MAML3: variants seen among roughly 807,000 people sequenced by gnomAD.
MAML3 encodes the protein mastermind-like protein 3.
Under a neutral mutation model 101.9 loss-of-function variants are expected in MAML3, and 27 were observed. That is an observed-to-expected ratio of 0.27 (90% CI 0.20 to 0.37). MAML3 has a LOEUF of 0.37. Among genes scored for constraint, MAML3 ranks in the 10% least tolerant of loss-of-function variants. The pLI is 1.00. For synonymous variants in MAML3, 501 were observed against 555.9 expected (o/e 0.90, Z 1.39); for missense variants, 1,316 against 1,444.9 (o/e 0.91, Z 1.45).
chr4:140,046,805 T>G (rs550248966), intron 1 of MAML3, among the ~76,000 whole-genome samples: 11 of 150,704 alleles, frequency 7.3e-5, no homozygotes, highest in East Asian at 5.9e-4. Context: ...GGGGGAGGGG[T>G]AGGGGGGACT....
chr4:140,004,565 G>C lies in MAML3; in HGVS notation c.469-113598C>G, dbSNP rs78247196. On this transcript the variant is annotated intron_variant, in intron 1 of 4. Transcript: ENST00000509479. ...GGAGGGGGCAGGGGAGAGTAGTGAG[G>C]AGAGAAAGAAAGAAAATGGGATGAA... 4.4e-3 allele frequency among the ~76,000 whole-genome samples: 664 copies of C among 152,254 alleles called. 11 individuals are homozygous for C. The highest frequency in any genetic ancestry group is 0.015 in the African/African-American group (627 of 41,548).
Position 139,719,864 on chromosome 4 carries a change from C to T in MAML3, c.2876G>A (p.Gly959Glu), listed in dbSNP as rs1728158591. 1.9e-6 allele frequency: 3 copies of T among 1,613,878 alleles called. No homozygotes were observed. Among genetic ancestry groups the T allele is most frequent in the Non-Finnish European group, 1.7e-6 (2 of 1,179,890 alleles). ...LQSLMGTVQQGAQSWQQRSLQ... is the reference protein window; with the variant it reads ...LQSLMGTVQQEAQSWQQRSLQ... ...GCTCCTCTGTTGCCAGCTTTGTGCTCCTTGCTGGACTGTTCCCATAAGGCT... is the reference window on the plus strand; with the variant it reads ...GCTCCTCTGTTGCCAGCTTTGTGCTTCTTGCTGGACTGTTCCCATAAGGCT... The change falls in exon 5 of 5, where the codon GGA becomes GAA. Residue 959 changes from glycine to glutamate, a missense_variant. Gly to Glu is a moderately conservative substitution (Grantham distance 98, BLOSUM62 -2). Transcript: ENST00000509479.
chr4:139,830,706 G>A (rs6849866), intron 2 of MAML3, among the ~76,000 whole-genome samples: 3,919 of 152,078 alleles, frequency 0.026, 125 homozygotes, highest in African/African-American at 0.078. Context: ...GAGCCACTGC[G>A]CCTGGCCTAC....
At chr4:140,042,924 T>G (rs956249251) in intron 1 of MAML3, among the ~76,000 whole-genome samples, 1 of 152,176 alleles carries the variant, frequency 6.6e-6, no homozygotes, top group African/African-American at 2.4e-5. Context: ...AGTCTCATAA[T>G]TCAAGTCTCA....
chr4:139,896,064 G>A (rs143183710), intron 1 of MAML3, among the ~76,000 whole-genome samples: 23 of 152,288 alleles, frequency 1.5e-4, no homozygotes, highest in African/African-American at 5.5e-4. Context: ...ATCATCCTTT[G>A]CTATATGGAA....
At chr4:139,931,698 A>G (rs1403211986) in intron 1 of MAML3, among the ~76,000 whole-genome samples, 1 of 152,030 alleles carries the variant, frequency 6.6e-6, no homozygotes, top group Non-Finnish European at 1.5e-5. Context: ...TGCAGAATAA[A>G]AAGAACTTTG....
intron 1 of MAML3, among the ~76,000 whole-genome samples, chr4:140,110,895 T>C (rs1330119257): frequency 1.3e-5 from 2 of 152,012 alleles, no homozygotes; most frequent in Non-Finnish European, 2.9e-5. Context: ...TAAGAAAAAA[T>C]AAGCAATTTC....
At chr4:140,082,502 T>C (rs1397580373) in intron 1 of MAML3, among the ~76,000 whole-genome samples, 5 of 152,178 alleles carry the variant, frequency 3.3e-5, no homozygotes, top group African/African-American at 1.2e-4. Flanking sequence ...CCCTGCCTGG[T>C]TGCCTGTTGG....
rs140628103 is a variant in MAML3 at position 139,835,770 on chromosome 4, C to G, written c.2079+53587G>C. Among the ~76,000 whole-genome samples the G allele has an allele frequency of 9.2e-4, 140 of 152,168 alleles. No homozygotes were observed. In the East Asian group the frequency reaches 0.018, roughly 20 times the overall value. ...CCCCCAAAGTTTCATATAACTTTTC[C>G]AAAGAAGGCCTTAATTTTCTTCATA... On this transcript the variant is annotated intron_variant, in intron 2 of 4. Transcript: ENST00000509479.
chr4:140,111,960 T>TATAGA (rs1178194256), intron 1 of MAML3, among the ~76,000 whole-genome samples: 5 of 152,186 alleles, frequency 3.3e-5, no homozygotes, highest in Admixed American at 6.5e-5. Context: ...AGAGGCTCAT[T>TATAGA]CCTTTATAGA....
At chr4:139,758,065 C>T (rs570661756) in intron 2 of MAML3, among the ~76,000 whole-genome samples, 9 of 152,300 alleles carry the variant, frequency 5.9e-5, no homozygotes, top group East Asian at 5.8e-4. Context: ...TGTATTCACT[C>T]GCCTCTTGCA....
Position 139,718,091 on chromosome 4 carries a change from A to C in MAML3, c.*1232T>G, listed in dbSNP as rs1047006540. ...GATGGGAAAGGTGGATTTTTAGAGCATCACTCCCAGGATTTCGCCCAAAGG... is the reference window on the plus strand; with the variant it reads ...GATGGGAAAGGTGGATTTTTAGAGCCTCACTCCCAGGATTTCGCCCAAAGG... On this transcript the variant is annotated 3_prime_UTR_variant, in exon 5 of 5. Coordinates refer to ENST00000509479, the MANE Select transcript of MAML3 (RefSeq NM_018717.5). The C allele has an allele frequency of 7.2e-5, 11 of 152,156 alleles. No homozygotes were observed. The highest frequency in any genetic ancestry group is 4.6e-4 in the Admixed American group (7 of 15,272). The allele number at this position is 152,156 out of a possible 1,614,324, so 9.4% of individuals were successfully genotyped here. A position where few individuals can be genotyped will look rare whatever the true frequency, so the allele number is the denominator to read the frequency against.
chr4:140,002,045 TATC>T (rs34707010), intron 1 of MAML3, among the ~76,000 whole-genome samples: 74,362 of 151,580 alleles, frequency 0.49, 18,654 homozygotes, highest in East Asian at 0.64. Context: ...CTCACACACT[TATC>T]ATTTTTTTTT....
chr4:139,936,750 GT>G (rs1227830101), intron 1 of MAML3, among the ~76,000 whole-genome samples: 1 of 152,088 alleles, frequency 6.6e-6, no homozygotes, highest in Non-Finnish European at 1.5e-5. Context: ...AGATATCTTT[GT>G]TTGCCCTTAC....
At chr4:139,744,315 A>G (rs1729255621) in intron 2 of MAML3, among the ~76,000 whole-genome samples, 2 of 152,154 alleles carry the variant, frequency 1.3e-5, no homozygotes. Context: ...CAGCTTCCAG[A>G]TCTTAGAGTT....
At chr4:139,829,631 A>G (rs974106958) in intron 2 of MAML3, among the ~76,000 whole-genome samples, 3 of 152,224 alleles carry the variant, frequency 2.0e-5, no homozygotes, top group African/African-American at 7.2e-5. Flanking sequence ...ATGACAAGAA[A>G]AATACAAATC....
At position 140,152,953 on chromosome 4, in the gene MAML3, C is replaced by T. The variant is rs1261362051; in HGVS notation, c.375G>A (p.Ser125=). 1.2e-6 allele frequency: 2 copies of T among 1,612,288 alleles called. No individual in the cohort carries two copies. The highest frequency in any genetic ancestry group is 2.2e-5 in the East Asian group (1 of 44,838). Reference sequence around the variant, plus strand: ...GCTGCTGTTTGCCGGTGCCGGCGCCCGATTTCTTGGCCCTCTGCTCCAGGG... The same window carrying T: ...GCTGCTGTTTGCCGGTGCCGGCGCCTGATTTCTTGGCCCTCTGCTCCAGGG... The part of the protein sequence containing the change: ...QRTLEQRAKK[S]GAGTGKQQHP... The change falls in exon 1 of 5, where the codon TCG becomes TCA. Residue 125 remains serine, a synonymous_variant. Transcript: ENST00000509479.
At chr4:139,951,425 C>A (rs958530763) in intron 1 of MAML3, among the ~76,000 whole-genome samples, 1 of 152,242 alleles carries the variant, frequency 6.6e-6, no homozygotes, top group African/African-American at 2.4e-5. Flanking sequence ...CTTCTGGAGG[C>A]CCACCAGTGA....
At chr4:139,997,584 A>G (rs1734841472) in intron 1 of MAML3, among the ~76,000 whole-genome samples, 1 of 152,104 alleles carries the variant, frequency 6.6e-6, no homozygotes, top group African/African-American at 2.4e-5. Context: ...AGGTATAAAA[A>G]TAAGATAAAT....
Sources: allele counts gnomAD v4.1 joint callset (sites outside exome capture counted in the v4.1 genomes callset), GRCh38; gene constraint gnomAD v4.1.1; transcripts MANE v1.5; gene names NCBI Gene and HGNC (gene_info 2026-07-23, HGNC 2026-07-21).